SLC30A9: variants seen among roughly 807,000 people sequenced by gnomAD.
SLC30A9 encodes the protein proton-coupled zinc antiporter SLC30A9, mitochondrial.
A neutral mutation model predicts 87.5 loss-of-function variants in SLC30A9; 58 were observed. That is an observed-to-expected ratio of 0.66 (90% CI 0.54 to 0.82). The LOEUF is 0.82. Among genes scored for constraint, SLC30A9 ranks in the 40% least tolerant of loss-of-function variants. The probability of loss-of-function intolerance (pLI) is 0.00; values close to 1 mark genes in which losing one functional copy is unlikely to be tolerated. For synonymous variants in SLC30A9, 234 were observed against 233.0 expected (o/e 1.00, Z -0.04); for missense variants, 557 against 679.1 (o/e 0.82, Z 2.00).
chr4:42,086,212 A>AGTCTTTC lies in SLC30A9; in HGVS notation c.*86_*87insGTCTTTC. 1.3e-6 allele frequency: 1 copy of AGTCTTTC among 773,716 alleles called. No homozygotes were observed. The highest frequency in any genetic ancestry group is 2.1e-6 in the Non-Finnish European group (1 of 480,818). The allele number at this position is 773,716 out of a possible 1,614,324, so 47.9% of individuals were successfully genotyped here. ...CAAAGTTTCCTCCTCTCCTACACTG[A>AGTCTTTC]AAGACTCAGTGCCATGCAGAAGCCT... On this transcript the variant is annotated 3_prime_UTR_variant, in exon 18 of 18. Transcript: ENST00000264451.
rs1013588587 is a variant in SLC30A9, at chr4:42,019,493, C to T, written c.335-923C>T. On this transcript the variant is annotated intron_variant, in intron 3 of 17. Coordinates refer to ENST00000264451, the MANE Select transcript of SLC30A9 (RefSeq NM_006345.4). ...TAGAAGGCAATATTTAACCTATAAT[C>T]TATAATAATTTTTTTTGTAATTTTT... Among the ~76,000 whole-genome samples, 3 of 152,204 alleles carry T rather than the reference C, an allele frequency of 2.0e-5. No homozygotes were observed. In the South Asian group the frequency reaches 6.2e-4, roughly 32 times the overall value.
chr4:42,049,789 G>A (rs1717315532), intron 9 of SLC30A9, among the ~76,000 whole-genome samples: 1 of 152,120 alleles, frequency 6.6e-6, no homozygotes, highest in African/African-American at 2.4e-5. Context: ...TTGGAATAAA[G>A]ATGTAAAATC....
chr4:42,008,062 C>G (rs988796041), intron 2 of SLC30A9, among the ~76,000 whole-genome samples: 24 of 152,116 alleles, frequency 1.6e-4, no homozygotes, highest in African/African-American at 5.6e-4. Flanking sequence ...TTCCGTATTC[C>G]TCTTTATTTT....
At position 42,035,677 on chromosome 4, in the gene SLC30A9, G is replaced by A. The variant is rs113501081; in HGVS notation, c.669+344G>A. On this transcript the variant is annotated intron_variant, in intron 7 of 17. Transcript: ENST00000264451. ...TGCCCAGTTAATTTTTGTGTTTTTA[G>A]TAGAGACAGAGTTTCACCATGTTGG... 1.1e-3 allele frequency among the ~76,000 whole-genome samples: 171 copies of A among 152,080 alleles called. 1 individual carries two copies. Among genetic ancestry groups the A allele is most frequent in the African/African-American group, 4.0e-3 (164 of 41,468 alleles).
chr4:42,029,988 C>A, intron 6 of SLC30A9: 1 of 920,610 alleles, frequency 1.1e-6, no homozygotes, highest in African/African-American at 1.6e-5. Context: ...GCAGCCTCTG[C>A]TTGTTGTACA....
chr4:42,071,366 G>T (rs1718302136), intron 15 of SLC30A9, among the ~76,000 whole-genome samples: 1 of 151,732 alleles, frequency 6.6e-6, no homozygotes, highest in South Asian at 2.1e-4. Context: ...TTTGTGTATT[G>T]TACTTGAAAT....
intron 6 of SLC30A9, among the ~76,000 whole-genome samples, chr4:42,026,452 T>C (rs746836018): frequency 2.6e-5 from 4 of 152,238 alleles, no homozygotes; most frequent in Non-Finnish European, 5.9e-5. Context: ...TGTATACATA[T>C]TTTTCTTTGA....
At chr4:42,007,572 A>T (rs1468425232) in intron 2 of SLC30A9, among the ~76,000 whole-genome samples, 2 of 148,516 alleles carry the variant, frequency 1.3e-5, no homozygotes, top group Non-Finnish European at 3.0e-5. Flanking sequence ...TAACCCGGTG[A>T]AACCCCATCT....
chr4:42,062,939 G>T lies in SLC30A9; in HGVS notation c.897-47G>T, dbSNP rs548587638. 3.2e-6 allele frequency: 5 copies of T among 1,543,880 alleles called. No homozygotes were observed. The South Asian group carries it at 4.6e-5, about 14-fold the overall frequency. On this transcript the variant is annotated intron_variant, in intron 10 of 17. Transcript: ENST00000264451. The stretch of plus-strand genomic sequence containing the variant: ...CCTATTAAGCACATATATTTTAAAA[G>T]AAACCATTTGTATTTCTTGCGAACT...
At chr4:42,026,901 AT>A (rs1716216115) in intron 6 of SLC30A9, among the ~76,000 whole-genome samples, 1 of 152,102 alleles carries the variant, frequency 6.6e-6, no homozygotes. Flanking sequence ...GTGTCCACAA[AT>A]TGTTTATTTC....
Position 42,029,351 on chromosome 4 carries a change from G to A in SLC30A9, c.611-5924G>A, listed in dbSNP as rs181921952. On this transcript the variant is annotated intron_variant, in intron 6 of 17. Coordinates refer to ENST00000264451, the MANE Select transcript of SLC30A9 (RefSeq NM_006345.4). ...ATAATATTTTATGGCTGCCTGACTG[G>A]CATCTTCATCGGAATGATCCAAGTG... 3.9e-5 allele frequency: 22 copies of A among 570,606 alleles called. No individual in the cohort carries two copies. In the East Asian group the frequency reaches 9.5e-4, roughly 25 times the overall value. 35.3% of individuals were successfully genotyped at this position (570,606 alleles called of 1,614,324 possible).
intron 1 of SLC30A9, among the ~76,000 whole-genome samples, chr4:41,994,569 A>G (rs1384709551): frequency 3.3e-5 from 5 of 151,850 alleles, no homozygotes; most frequent in African/African-American, 4.8e-5. Flanking sequence ...ATTGTCTCCA[A>G]TCTGCTAGTA....
intron 9 of SLC30A9, among the ~76,000 whole-genome samples, chr4:42,051,565 A>G (rs1420962164): frequency 1.3e-5 from 2 of 152,196 alleles, no homozygotes; most frequent in African/African-American, 4.8e-5. Context: ...TAAAAAATAA[A>G]CCAAATGAAA....
At chr4:42,018,511 G>A (rs1715812435) in intron 3 of SLC30A9, 2 of 981,494 alleles carry the variant, frequency 2.0e-6, no homozygotes, top group Non-Finnish European at 2.6e-6. Flanking sequence ...TCCAGGTAGA[G>A]TTTGGCCGTT....
chr4:42,077,604 A>G (rs373443369), intron 16 of SLC30A9, among the ~76,000 whole-genome samples: 234 of 152,228 alleles, frequency 1.5e-3, no homozygotes, highest in African/African-American at 5.3e-3. Flanking sequence ...GGGTTTCACC[A>G]TCTTGGCCAG....
At chr4:42,049,950 A>G (rs1717321874) in intron 9 of SLC30A9, among the ~76,000 whole-genome samples, 1 of 152,140 alleles carries the variant, frequency 6.6e-6, no homozygotes, top group Admixed American at 6.5e-5. Flanking sequence ...GAAACCCAAA[A>G]CTTTTCTAAG....
chr4:42,069,607 G>A (rs188365381), intron 14 of SLC30A9, among the ~76,000 whole-genome samples: 1 of 152,278 alleles, frequency 6.6e-6, no homozygotes, highest in Admixed American at 6.5e-5. Flanking sequence ...GCATTAAGAA[G>A]AGTTAAATAT....
intron 2 of SLC30A9, among the ~76,000 whole-genome samples, chr4:42,014,400 C>CA (rs1187051937): frequency 6.6e-6 from 1 of 151,892 alleles, no homozygotes; most frequent in Non-Finnish European, 1.5e-5. Context: ...GGAAAACATA[C>CA]AAAAAAATTA....
chr4:42,054,615 C>G (rs113916849), intron 9 of SLC30A9, among the ~76,000 whole-genome samples: 7 of 151,778 alleles, frequency 4.6e-5, no homozygotes, highest in Non-Finnish European at 1.0e-4. Context: ...CTCAGCCTCC[C>G]GAGTAGCTGG....
Sources: gnomAD v4.1 joint callset for allele counts (sites outside exome capture counted in the v4.1 genomes callset) on GRCh38, gnomAD v4.1.1 for gene constraint, MANE v1.5 for transcripts, NCBI Gene and HGNC (gene_info 2026-07-23, HGNC 2026-07-21) for gene names.